PCDHA2: variants seen among roughly 807,000 people sequenced by gnomAD.
PCDHA2 encodes protocadherin alpha 2.
Under a neutral mutation model 66.0 loss-of-function variants are expected in PCDHA2, and 58 were observed. The ratio of observed to expected loss-of-function variants is 0.88; its 90% confidence interval spans 0.71 to 1.09. The LOEUF (loss-of-function observed/expected upper bound fraction) is 1.09. Among genes scored for constraint, PCDHA2 ranks in the 50% least tolerant of loss-of-function variants. The probability of loss-of-function intolerance (pLI) is 0.00; values close to 1 mark genes in which losing one functional copy is unlikely to be tolerated. For synonymous variants in PCDHA2, 634 were observed against 554.0 expected (o/e 1.14, Z -2.03); for missense variants, 1,267 against 1,242.3 (o/e 1.02, Z -0.30).
intron 1 of PCDHA2, among the ~76,000 whole-genome samples, chr5:140,800,755 T>C (rs1554121210): frequency 6.6e-6 from 1 of 152,244 alleles, no homozygotes; most frequent in Non-Finnish European, 1.5e-5. Flanking sequence ...GGCTGTCACA[T>C]GGGAAATATT....
chr5:140,823,418 T>C, intron 1 of PCDHA2: 1 of 1,613,286 alleles, frequency 6.2e-7, no homozygotes, highest in Non-Finnish European at 8.5e-7. Flanking sequence ...GGCAGCAACG[T>C]GACGCTGCAG....
intron 1 of PCDHA2, chr5:140,834,534 G>T (rs1554134303): frequency 5.6e-6 from 9 of 1,614,094 alleles, no homozygotes; most frequent in South Asian, 1.1e-5. Flanking sequence ...CATCGCGCAG[G>T]ACCTGGGGCT....
At position 140,944,693 on chromosome 5, in the gene PCDHA2, G is replaced by A. The variant is rs191002677; in HGVS notation, c.2389-34256G>A. 1.7e-3 allele frequency among the ~76,000 whole-genome samples: 252 copies of A among 152,248 alleles called. No homozygotes were observed. In the Middle Eastern group the frequency reaches 0.017, roughly 10 times the overall value. On this transcript the variant is annotated intron_variant, in intron 1 of 3. Coordinates refer to ENST00000526136, the MANE Select transcript of PCDHA2 (RefSeq NM_018905.3). ...TATTCTGTGTATCCTATTAATAACA[G>A]TAATTATCAGGTTATTTTGCCTTTG...
At chr5:140,893,141 C>A (rs1412974583) in intron 1 of PCDHA2, among the ~76,000 whole-genome samples, 1 of 152,192 alleles carries the variant, frequency 6.6e-6, no homozygotes, top group African/African-American at 2.4e-5. Flanking sequence ...TTTATCCACT[C>A]ATCTGTTGAT....
chr5:140,876,378 T>G (rs1554168503), intron 1 of PCDHA2: 1 of 1,613,948 alleles, frequency 6.2e-7, no homozygotes. Flanking sequence ...CAGGTGAAAT[T>G]AGAATTTATG....
intron 1 of PCDHA2, among the ~76,000 whole-genome samples, chr5:140,951,495 G>A (rs1554219919): frequency 1.3e-5 from 2 of 151,958 alleles, no homozygotes; most frequent in African/African-American, 4.8e-5. Context: ...ATGGTGGAAG[G>A]CAAAAGGAAA....
At chr5:140,927,748 G>T (rs782605586) in intron 1 of PCDHA2, 3 of 1,614,206 alleles carry the variant, frequency 1.9e-6, no homozygotes, top group Admixed American at 1.7e-5. Flanking sequence ...CCGCTTTCAC[G>T]TGCACCCTAA....
At chr5:140,959,090 G>A (rs797041561) in intron 1 of PCDHA2, among the ~76,000 whole-genome samples, 2 of 151,986 alleles carry the variant, frequency 1.3e-5, no homozygotes, top group African/African-American at 2.4e-5. Flanking sequence ...CCTTGGTTTC[G>A]GACATTCAGC....
intron 1 of PCDHA2, chr5:140,871,069 C>G: frequency 6.2e-7 from 1 of 1,613,228 alleles, no homozygotes; most frequent in East Asian, 2.2e-5. Context: ...TCACGGTGAG[C>G]CGGCGCTGAC....
intron 1 of PCDHA2, chr5:140,861,480 T>C (rs2046942458): frequency 4.1e-6 from 2 of 490,608 alleles, no homozygotes; most frequent in African/African-American, 2.0e-5. Flanking sequence ...GAATGGCATT[T>C]TTGTGAGTTC....
At chr5:140,813,683 A>G (rs1231151598) in intron 1 of PCDHA2, 1 of 152,322 alleles carries the variant, frequency 6.6e-6, no homozygotes, top group South Asian at 2.1e-4. Context: ...TTTAGGCTAC[A>G]CTCAATTTAT....
chr5:140,908,757 C>G (rs550540742), intron 1 of PCDHA2, among the ~76,000 whole-genome samples: 1 of 152,248 alleles, frequency 6.6e-6, no homozygotes, highest in Non-Finnish European at 1.5e-5. Context: ...TGCACACAGC[C>G]TGGACGTGTT....
chr5:140,865,125 A>T (rs1581734540), intron 1 of PCDHA2: 1 of 152,310 alleles, frequency 6.6e-6, no homozygotes, highest in East Asian at 1.9e-4. Flanking sequence ...GGTGTTAATT[A>T]TACCTTAGAA....
At chr5:140,846,321 T>C (rs1780323093) in intron 1 of PCDHA2, among the ~76,000 whole-genome samples, 1 of 149,102 alleles carries the variant, frequency 6.7e-6, no homozygotes, top group Admixed American at 6.7e-5. Context: ...TGTAGAGTGT[T>C]GTAAATAGCC....
At chr5:140,884,049 T>C (rs1268930422) in intron 1 of PCDHA2, 2 of 1,613,296 alleles carry the variant, frequency 1.2e-6, no homozygotes, top group African/African-American at 1.3e-5. Flanking sequence ...GTGGCGAAGG[T>C]GCGCGCGGTG....
In PCDHA2 at chr5:140,853,448, G is replaced by A; in HGVS notation, c.2388+56096G>A. ...AGACACTTTCCTATTTTGCCTAATA[G>A]GTCTCCTTATATGCATCTGTAGTTA... On this transcript the variant is annotated intron_variant, in intron 1 of 3. Transcript: ENST00000526136. 2.0e-6 allele frequency: 2 copies of A among 980,734 alleles called. 1 individual carries two copies. Among genetic ancestry groups the A allele is most frequent in the South Asian group, 9.5e-5 (2 of 21,032 alleles). 60.8% of individuals were successfully genotyped at this position (980,734 alleles called of 1,614,324 possible).
rs1310704954 is a variant in PCDHA2, at chr5:141,010,062, A to C, written c.*125A>C. 1.2e-6 allele frequency: 2 copies of C among 1,602,540 alleles called. No homozygotes were observed. The highest frequency in any genetic ancestry group is 1.7e-6 in the Non-Finnish European group (2 of 1,174,354). Reference sequence around the variant, plus strand: ...CCTCTTAGAGACCTCAGAAATCTGCAGAAAGTTCCCTGTGTCTGTCTAGAA... The same window carrying C: ...CCTCTTAGAGACCTCAGAAATCTGCCGAAAGTTCCCTGTGTCTGTCTAGAA... On this transcript the variant is annotated 3_prime_UTR_variant, in exon 4 of 4. Transcript: ENST00000526136.
intron 1 of PCDHA2, chr5:140,871,330 G>A: frequency 1.9e-6 from 3 of 1,614,116 alleles, no homozygotes; most frequent in South Asian, 1.1e-5. Flanking sequence ...GTGCTCCCGC[G>A]CGGTGGGGAG....
chr5:140,980,933 C>G (rs1376814777), intron 2 of PCDHA2, among the ~76,000 whole-genome samples: 1 of 152,120 alleles, frequency 6.6e-6, no homozygotes, highest in African/African-American at 2.4e-5. Flanking sequence ...CTGCTTTGAG[C>G]TGAGCTGGCT....
Sources: gnomAD v4.1 joint callset for allele counts (sites outside exome capture counted in the v4.1 genomes callset) on GRCh38, gnomAD v4.1.1 for gene constraint, MANE v1.5 for transcripts, NCBI Gene and HGNC (gene_info 2026-07-23, HGNC 2026-07-21) for gene names.